PPM1L: variants seen among roughly 807,000 people sequenced by gnomAD.
PPM1L encodes protein phosphatase 1L.
A neutral mutation model predicts 31.4 loss-of-function variants in PPM1L; 13 were observed. The ratio of observed to expected loss-of-function variants is 0.41; its 90% CI spans 0.27 to 0.66. PPM1L has a LOEUF of 0.66. Ranked by LOEUF, PPM1L falls within the 30% of genes least tolerant of loss-of-function variation. The pLI is 0.29. For synonymous variants in PPM1L, 184 were observed against 175.4 expected (o/e 1.05, Z -0.39); for missense variants, 326 against 453.7 (o/e 0.72, Z 2.56).
Position 160,808,414 on chromosome 3 carries a change from T to C in PPM1L, c.399+51707T>C, listed in dbSNP as rs140966458. 1.2e-3 allele frequency among the ~76,000 whole-genome samples: 130 copies of C among 111,334 alleles called. 5 individuals are homozygous for C. The highest frequency in any genetic ancestry group is 4.5e-3 in the Middle Eastern group (1 of 222). 73.0% of individuals were successfully genotyped at this position (111,334 alleles called of 152,430 possible). A position where few individuals can be genotyped will look rare whatever the true frequency, so the allele number is the denominator to read the frequency against. On this transcript the variant is annotated intron_variant, in intron 1 of 3. Coordinates refer to ENST00000498165, the MANE Select transcript of PPM1L (RefSeq NM_139245.4). ...GTGTGTGTGTGTGTGTGTGTGTGTGTGTGTGTGTGGTGGGTGAGGGAAGCT... is the reference window on the plus strand; with the variant it reads ...GTGTGTGTGTGTGTGTGTGTGTGTGCGTGTGTGTGGTGGGTGAGGGAAGCT...
At chr3:161,003,954 C>A (rs1461924228) in intron 2 of PPM1L, among the ~76,000 whole-genome samples, 7 of 149,172 alleles carry the variant, frequency 4.7e-5, no homozygotes, top group Non-Finnish European at 1.0e-4. Context: ...TTTGCCCATT[C>A]AGTATGATAT....
intron 1 of PPM1L, among the ~76,000 whole-genome samples, chr3:160,900,132 C>A (rs1560144073): frequency 6.6e-6 from 1 of 152,004 alleles, no homozygotes. Flanking sequence ...TAAATTCACT[C>A]TGTTATGAAT....
intron 1 of PPM1L, among the ~76,000 whole-genome samples, chr3:160,770,435 C>A (rs1335754397): frequency 1.3e-5 from 2 of 151,840 alleles, no homozygotes; most frequent in African/African-American, 4.8e-5. Context: ...AGATGAAAAC[C>A]TGTAGAAAGT....
chr3:160,965,864 T>C (rs529999516), intron 2 of PPM1L, among the ~76,000 whole-genome samples: 1 of 152,244 alleles, frequency 6.6e-6, no homozygotes, highest in African/African-American at 2.4e-5. Context: ...TCAGCCTGAG[T>C]GACTTAATGA....
At chr3:160,848,497 T>G (rs1228063053) in intron 1 of PPM1L, among the ~76,000 whole-genome samples, 1 of 152,216 alleles carries the variant, frequency 6.6e-6, no homozygotes, top group Admixed American at 6.5e-5. Context: ...CACATCTTCT[T>G]ATATCAACTA....
chr3:160,771,439 C>T (rs1049005903), intron 1 of PPM1L, among the ~76,000 whole-genome samples: 2 of 151,050 alleles, frequency 1.3e-5, no homozygotes, highest in Non-Finnish European at 2.9e-5. Context: ...AATGGGGTTT[C>T]ACCATGTTGC....
intron 1 of PPM1L, among the ~76,000 whole-genome samples, chr3:160,934,346 A>G (rs1426281672): frequency 6.6e-6 from 1 of 152,262 alleles, no homozygotes; most frequent in Non-Finnish European, 1.5e-5. Flanking sequence ...TTACACATTC[A>G]GTGTTTGCTT....
At chr3:161,036,401 A>G (rs1718742486) in intron 2 of PPM1L, among the ~76,000 whole-genome samples, 1 of 152,170 alleles carries the variant, frequency 6.6e-6, no homozygotes, top group Non-Finnish European at 1.5e-5. Flanking sequence ...TGGACAAATT[A>G]CTTACCCTTT....
chr3:160,924,613 C>T lies in PPM1L; in HGVS notation c.400-37123C>T, dbSNP rs191251689. ...CCATTTAGCTTAGGTGTTAGAAAAA[C>T]GCAGCATCCTTAGTATAGTTGGTAC... On this transcript the variant is annotated intron_variant, in intron 1 of 3. Transcript: ENST00000498165. Among the ~76,000 whole-genome samples, 42 of 152,276 alleles carry T rather than the reference C, an allele frequency of 2.8e-4. No individual in the cohort carries two copies. In the South Asian group the frequency reaches 2.9e-3, roughly 11 times the overall value.
chr3:160,954,068 C>T lies in PPM1L; in HGVS notation c.400-7668C>T, dbSNP rs115078814. Among the ~76,000 whole-genome samples the T allele has an allele frequency of 3.1e-3, 470 of 152,076 alleles. 4 individuals carry two copies. Among genetic ancestry groups the T allele is most frequent in the African/African-American group, 0.011 (458 of 41,488 alleles). On this transcript the variant is annotated intron_variant, in intron 1 of 3. Transcript: ENST00000498165. Reference sequence around the variant, plus strand: ...TCTAATTTAAAAGCAATTTGTGTTTCCTGCTCCCATACTCACTGTATAACC... The same window carrying T: ...TCTAATTTAAAAGCAATTTGTGTTTTCTGCTCCCATACTCACTGTATAACC...
In PPM1L at chr3:161,077,778, A is replaced by G. The variant is rs1720154014; in HGVS notation, c.*8621A>G. The G allele has an allele frequency of 2.6e-5, 4 of 152,224 alleles. No individual in the cohort carries two copies. The highest frequency in any genetic ancestry group is 4.4e-5 in the Non-Finnish European group (3 of 68,036). The allele number at this position is 152,224 out of a possible 1,614,324, so 9.4% of individuals were successfully genotyped here. On this transcript the variant is annotated 3_prime_UTR_variant, in exon 4 of 4. Transcript: ENST00000498165. ...ATTCCAGAGTCTAAGCATGGAATTT[A>G]AGTTTTGTATTTTGAACAAAAATAG...
chr3:161,018,038 G>T (rs933734251), intron 2 of PPM1L, among the ~76,000 whole-genome samples: 1 of 151,924 alleles, frequency 6.6e-6, no homozygotes, highest in African/African-American at 2.4e-5. Flanking sequence ...GCAAGCCAAT[G>T]ACTCCTTAAA....
intron 1 of PPM1L, among the ~76,000 whole-genome samples, chr3:160,898,587 C>A (rs1427780994): frequency 6.6e-6 from 1 of 152,176 alleles, no homozygotes; most frequent in African/African-American, 2.4e-5. Context: ...ACCACAGGCA[C>A]ATGTTGGGGC....
intron 2 of PPM1L, among the ~76,000 whole-genome samples, chr3:161,001,747 T>G (rs1401318054): frequency 2.0e-5 from 3 of 152,174 alleles, no homozygotes; most frequent in Non-Finnish European, 4.4e-5. Flanking sequence ...GGATTAGGAT[T>G]GGAAAAGATC....
chr3:161,075,533 A>C lies in PPM1L; in HGVS notation c.*6376A>C, dbSNP rs1285199209. On this transcript the variant is annotated 3_prime_UTR_variant, in exon 4 of 4. Transcript: ENST00000498165. ...TTTAAAGCTTCCTTTTGTAGGACTG[A>C]TGGCACGGGCAGAATCACATTTAAG... 1 of 152,226 alleles carries C rather than the reference A, an allele frequency of 6.6e-6. No homozygotes were observed. The highest frequency in any genetic ancestry group is 1.9e-4 in the East Asian group (1 of 5,194). 9.4% of individuals were successfully genotyped at this position (152,226 alleles called of 1,614,324 possible).
intron 1 of PPM1L, among the ~76,000 whole-genome samples, chr3:160,846,653 G>A (rs571999261): frequency 6.6e-6 from 1 of 152,100 alleles, no homozygotes; most frequent in Non-Finnish European, 1.5e-5. Context: ...AAATTGGTTG[G>A]TTAGTTATAA....
At chr3:160,827,694 C>G (rs1308645773) in intron 1 of PPM1L, among the ~76,000 whole-genome samples, 1 of 150,914 alleles carries the variant, frequency 6.6e-6, no homozygotes, top group African/African-American at 2.5e-5. Context: ...CATACTCTAT[C>G]TAATTGACTA....
chr3:160,906,134 G>A (rs955103000), intron 1 of PPM1L, among the ~76,000 whole-genome samples: 24 of 151,624 alleles, frequency 1.6e-4, no homozygotes, highest in Middle Eastern at 3.4e-3. Flanking sequence ...TTTTTCCCTC[G>A]GTGCTTTTCT....
chr3:160,801,458 C>T (rs1712423179), intron 1 of PPM1L, among the ~76,000 whole-genome samples: 1 of 152,164 alleles, frequency 6.6e-6, no homozygotes, highest in South Asian at 2.1e-4. Context: ...ACTACCAGTC[C>T]ATGGCCAGTC....
Sources: gnomAD v4.1 joint callset for allele counts (sites outside exome capture counted in the v4.1 genomes callset) on GRCh38, gnomAD v4.1.1 for gene constraint, MANE v1.5 for transcripts, NCBI Gene and HGNC (gene_info 2026-07-23, HGNC 2026-07-21) for gene names.